Variants in B3GALNT2 observed in about 807,000 individuals in gnomAD.
The protein encoded by B3GALNT2 is UDP-GalNAc:beta-1,3-N-acetylgalactosaminyltransferase 2.
In B3GALNT2, 53 loss-of-function variants were observed where a neutral mutation model predicts 61.1. That is an observed-to-expected ratio of 0.87 (90% CI 0.70 to 1.09). The LOEUF (loss-of-function observed/expected upper bound fraction) is 1.09. Among genes scored for constraint, B3GALNT2 ranks in the 50% least tolerant of loss-of-function variants. The probability of loss-of-function intolerance (pLI) is 0.00; values close to 1 mark genes in which losing one functional copy is unlikely to be tolerated. For missense variants in B3GALNT2, 544 were observed against 623.0 expected (o/e 0.87, Z 1.35); for synonymous variants, 223 against 237.4 (o/e 0.94, Z 0.56).
At position 235,492,547 on chromosome 1, in the gene B3GALNT2, G is replaced by C. The variant is rs371754465; in HGVS notation, c.260+2134C>G. Among the ~76,000 whole-genome samples, 5 of 152,166 alleles carry C rather than the reference G, an allele frequency of 3.3e-5. No homozygotes were observed. In the South Asian group the frequency reaches 1.0e-3, roughly 32 times the overall value. On this transcript the variant is annotated intron_variant, in intron 2 of 11. Transcript: ENST00000366600. ...CATTCAATAGTTGTTGAGTGCCTTA[G>C]TCTGCACCAAGCTAGGTTTTAGGTA...
At chr1:235,480,202 T>C (rs897218119) in intron 4 of B3GALNT2, 53 bp from the exon 5 acceptor site, 133 of 1,600,334 alleles carry the variant, frequency 8.3e-5, no homozygotes, top group Non-Finnish European at 9.9e-5. Flanking sequence ...ATACATTGCA[T>C]ATGCAAAAAG....
At chr1:235,471,015 T>C in intron 5 of B3GALNT2, 55 bp from the exon 6 acceptor site, 3 of 1,581,082 alleles carry the variant, frequency 1.9e-6, no homozygotes, top group South Asian at 1.2e-5. Flanking sequence ...CATTTAGGTT[T>C]TAAGTATGCT....
chr1:235,441,487 G>A, the B3GALNT2 span: 3 of 304,806 alleles, frequency 9.8e-6, no homozygotes, highest in Non-Finnish European at 1.9e-5. Flanking sequence ...TGCTAGTTTT[G>A]AGTCAGGACA....
chr1:235,456,942 C>T (rs74151511), intron 8 of B3GALNT2, among the ~76,000 whole-genome samples: 7,054 of 152,020 alleles, frequency 0.046, 387 homozygotes, highest in African/African-American at 0.13. Flanking sequence ...ACCTAGTATT[C>T]GACACACCCA....
intron 2 of B3GALNT2, 130 bp from the exon 3 acceptor site, chr1:235,489,398 C>T (rs911531227): frequency 4.3e-6 from 6 of 1,387,990 alleles, no homozygotes; most frequent in East Asian, 5.0e-5. Flanking sequence ...TACCTTTATT[C>T]TTCTAGTCAG....
At chr1:235,444,283 C>CTA (rs1417001744), downstream of B3GALNT2, among the ~76,000 whole-genome samples, 1 of 152,210 alleles carries the variant, frequency 6.6e-6, no homozygotes, top group Non-Finnish European at 1.5e-5. Context: ...TTGGCTACTG[C>CTA]TATATAATGG....
intron 1 of B3GALNT2, among the ~76,000 whole-genome samples, chr1:235,503,428 A>C (rs1250430625): frequency 3.3e-5 from 5 of 152,260 alleles, no homozygotes; most frequent in African/African-American, 1.2e-4. Context: ...ACAAGAACAA[A>C]GGTTTCATTC....
chr1:235,482,095 T>C (rs1236330033), intron 4 of B3GALNT2, among the ~76,000 whole-genome samples: 2 of 152,166 alleles, frequency 1.3e-5, no homozygotes, highest in Non-Finnish European at 2.9e-5. Flanking sequence ...GCCAGTAATA[T>C]CAGACCAATT....
Position 235,454,190 on chromosome 1 carries a change from A to G in B3GALNT2, c.1277T>C (p.Leu426Pro). 1 of 1,612,264 alleles carries G rather than the reference A, an allele frequency of 6.2e-7. No homozygotes were observed. Among genetic ancestry groups the G allele is most frequent in the Non-Finnish European group, 8.5e-7 (1 of 1,179,244 alleles). Reference sequence around the variant, plus strand: ...CTTTAACCTCCCCGAGTTGCTTGCCAGCCACTTGACGATGTCCTTGGAGAT... The same window carrying G: ...CTTTAACCTCCCCGAGTTGCTTGCCGGCCACTTGACGATGTCCTTGGAGAT... ...YVISKDIVKW[L>P]ASNSGRLKTY... is the part of the protein sequence containing the mutation. The change falls in exon 10 of 12, where the codon CTG (leucine) becomes CCG (proline). Residue 426 changes from leucine (L) to proline (P), a missense_variant. Physicochemically the swap from Leu to Pro is moderately conservative, Grantham distance 98. Coordinates refer to ENST00000366600, the MANE Select transcript of B3GALNT2 (RefSeq NM_152490.5).
chr1:235,499,802 CCTCT>C (rs1207077421), intron 1 of B3GALNT2, among the ~76,000 whole-genome samples: 8 of 152,306 alleles, frequency 5.3e-5, no homozygotes, highest in Admixed American at 2.0e-4. Flanking sequence ...TTCTTCTTGT[CCTCT>C]CTGAGTATAC....
At chr1:235,453,169 A>G in intron 10 of B3GALNT2, 23 bp from the exon 11 acceptor site, 1 of 1,596,674 alleles carries the variant, frequency 6.3e-7, no homozygotes, top group Non-Finnish European at 8.6e-7. Flanking sequence ...CATAAAGTTT[A>G]AATGTAAAAA....
intron 1 of B3GALNT2, among the ~76,000 whole-genome samples, chr1:235,500,598 G>C (rs1428854922): frequency 6.6e-6 from 1 of 152,150 alleles, no homozygotes; most frequent in Non-Finnish European, 1.5e-5. Flanking sequence ...TCTTGGAAGA[G>C]TCACAAATAG....
chr1:235,450,412 A>C, intron 11 of B3GALNT2, 72 bp from the exon 12 acceptor site: 1 of 1,522,664 alleles, frequency 6.6e-7, no homozygotes, highest in South Asian at 1.1e-5. Context: ...GTATGCACGT[A>C]GACAGCTTTT....
intron 6 of B3GALNT2, among the ~76,000 whole-genome samples, chr1:235,469,719 A>ATTT (rs34811873): frequency 7.0e-6 from 1 of 142,614 alleles, no homozygotes; most frequent in Non-Finnish European, 1.5e-5. Context: ...GGCCCAGCTA[A>ATTT]TTTTTTTTTT....
chr1:235,456,412 T>C (rs533191491), intron 8 of B3GALNT2, among the ~76,000 whole-genome samples: 8 of 152,206 alleles, frequency 5.3e-5, no homozygotes, highest in Non-Finnish European at 1.2e-4. Context: ...AAAATAAATT[T>C]AGAATTTCAT....
intron 7 of B3GALNT2, chr1:235,463,998 T>A (rs893705040): frequency 6.6e-6 from 1 of 152,242 alleles, no homozygotes; most frequent in Non-Finnish European, 1.5e-5. Context: ...AGTCACTGAT[T>A]TTCAACAAAT....
In B3GALNT2 at chr1:235,448,653, C is replaced by A; in HGVS notation, c.*1553G>T. ...CTGTCTTAATCACATCCTTCCCCAC[C>A]TTCGTTCTAATTTTAGAAGCCGGGC... On this transcript the variant is annotated 3_prime_UTR_variant, in exon 12 of 12. Coordinates refer to ENST00000366600, the MANE Select transcript of B3GALNT2 (RefSeq NM_152490.5). The A allele has an allele frequency of 6.2e-7, 1 of 1,605,894 alleles. No homozygotes were observed. The highest frequency in any genetic ancestry group is 1.7e-5 in the Admixed American group (1 of 60,010).
chr1:235,471,970 A>G (rs999344301), intron 5 of B3GALNT2, among the ~76,000 whole-genome samples: 2 of 126,312 alleles, frequency 1.6e-5, no homozygotes, highest in Non-Finnish European at 3.5e-5. Context: ...GCCTGAATTT[A>G]AAAAAAAAAA....
chr1:235,471,589 G>A (rs1026613280), intron 5 of B3GALNT2, among the ~76,000 whole-genome samples: 1 of 152,104 alleles, frequency 6.6e-6, no homozygotes, highest in Non-Finnish European at 1.5e-5. Flanking sequence ...TATTCTCCCT[G>A]GTATGGGATA....
Sources: allele counts gnomAD v4.1 joint callset (sites outside exome capture counted in the v4.1 genomes callset), GRCh38; gene constraint gnomAD v4.1.1; transcripts MANE v1.5; gene names NCBI Gene and HGNC (gene_info 2026-07-23, HGNC 2026-07-21).